GRAMD1B: variants seen among roughly 807,000 people sequenced by gnomAD.
The protein encoded by GRAMD1B is GRAM domain containing 1B.
Under a neutral mutation model 99.7 loss-of-function variants are expected in GRAMD1B, and 37 were observed. That is an observed-to-expected ratio of 0.37 (90% CI 0.29 to 0.49). GRAMD1B has a LOEUF of 0.49. Among genes scored for constraint, GRAMD1B ranks in the 20% least tolerant of loss-of-function variants. The probability of loss-of-function intolerance (pLI) is 0.98; values close to 1 mark genes in which losing one functional copy is unlikely to be tolerated. For missense variants in GRAMD1B, 888 were observed against 1,009.2 expected (o/e 0.88, Z 1.63); for synonymous variants, 427 against 387.6 (o/e 1.10, Z -1.19).
intron 2 of GRAMD1B, among the ~76,000 whole-genome samples, chr11:123,540,653 T>C (rs989185417): frequency 4.6e-5 from 7 of 152,194 alleles, no homozygotes; most frequent in African/African-American, 1.7e-4. Context: ...AATTAGAAAA[T>C]ATAAAGAGCC....
At chr11:123,597,953 C>A in intron 7 of GRAMD1B, 1 of 1,151,672 alleles carries the variant, frequency 8.7e-7, no homozygotes, top group Non-Finnish European at 1.3e-6. Flanking sequence ...CTAGAGCAGT[C>A]CTTGTTTTTT....
At chr11:123,598,723 G>A in intron 7 of GRAMD1B, 2 of 917,986 alleles carry the variant, frequency 2.2e-6, no homozygotes, top group Non-Finnish European at 3.7e-6. Flanking sequence ...GAGAGGTCAA[G>A]ATGGGCTCCA....
chr11:123,608,539 C>A, intron 11 of GRAMD1B, 120 bp from the exon 12 acceptor site: 1 of 1,544,724 alleles, frequency 6.5e-7, no homozygotes. Flanking sequence ...CGTGTCCTCT[C>A]CATACCCTTG....
At chr11:123,461,825 C>G (rs1228344050) in intron 1 of GRAMD1B, among the ~76,000 whole-genome samples, 1 of 151,866 alleles carries the variant, frequency 6.6e-6, no homozygotes, top group African/African-American at 2.4e-5. Context: ...AGGCTGGTCT[C>G]AAACTCCTGA....
intron 1 of GRAMD1B, among the ~76,000 whole-genome samples, chr11:123,424,024 C>T (rs1308837359): frequency 6.6e-6 from 1 of 152,076 alleles, no homozygotes; most frequent in Admixed American, 6.6e-5. Context: ...CCTTGCCTAT[C>T]TCCTCTCATT....
Position 123,614,741 on chromosome 11 carries a change from A to T in GRAMD1B, c.2228-4A>T, listed in dbSNP as rs762595995. On this transcript the variant is annotated splice_polypyrimidine_tract_variant and splice_region_variant and intron_variant, in intron 16 of 19. Coordinates refer to ENST00000635736, the MANE Select transcript of GRAMD1B (RefSeq NM_001387025.1). ...GGTGATGGTCTCTTTAATTCTCCCC[A>T]CAGGTTCCACACAGACGCGGCATAT... The T allele has an allele frequency of 1.2e-5, 19 of 1,598,210 alleles. No homozygotes were observed. In the Admixed American group the frequency reaches 2.5e-4, roughly 21 times the overall value.
At chr11:123,523,093 A>G (rs1410830158) in intron 2 of GRAMD1B, among the ~76,000 whole-genome samples, 1 of 152,168 alleles carries the variant, frequency 6.6e-6, no homozygotes, top group Non-Finnish European at 1.5e-5. Context: ...ATACTTTGGG[A>G]GGCCGAGGTG....
At chr11:123,421,829 A>C (rs1199643659) in intron 1 of GRAMD1B, among the ~76,000 whole-genome samples, 1 of 152,254 alleles carries the variant, frequency 6.6e-6, no homozygotes, top group Non-Finnish European at 1.5e-5. Flanking sequence ...AGTGTGCCTT[A>C]TTCAAGTTTA....
chr11:123,537,122 A>G (rs529915653), intron 2 of GRAMD1B, among the ~76,000 whole-genome samples: 1 of 152,312 alleles, frequency 6.6e-6, no homozygotes, highest in South Asian at 2.1e-4. Context: ...GGTGGCAAGC[A>G]TAAAAGGATG....
In GRAMD1B at chr11:123,627,133, C is replaced by T. The variant is rs750710882; in HGVS notation, c.*4538C>T. 8.5e-5 allele frequency: 13 copies of T among 152,266 alleles called. No individual in the cohort carries two copies. The highest frequency in any genetic ancestry group is 1.5e-4 in the Non-Finnish European group (10 of 68,088). The allele number at this position is 152,266 out of a possible 1,614,324, so 9.4% of individuals were successfully genotyped here. On this transcript the variant is annotated 3_prime_UTR_variant, in exon 20 of 20. Coordinates refer to ENST00000635736, the MANE Select transcript of GRAMD1B (RefSeq NM_001387025.1). Reference sequence around the variant, plus strand: ...CAGGAGGAGCTGATGCTGACGATCTCCCCAACATCTGAAGGCTTAAAGAAC... The same window carrying T: ...CAGGAGGAGCTGATGCTGACGATCTTCCCAACATCTGAAGGCTTAAAGAAC...
intron 1 of GRAMD1B, among the ~76,000 whole-genome samples, chr11:123,450,698 C>G (rs939292920): frequency 9.9e-5 from 15 of 152,194 alleles, no homozygotes; most frequent in South Asian, 8.3e-4. Flanking sequence ...GAAGCTGACT[C>G]TCTTCCCACT....
Position 123,610,289 on chromosome 11 carries a change from A to G in GRAMD1B, c.1870A>G (p.Ile624Val), listed in dbSNP as rs1230075351. Residue 624 changes from isoleucine (I) to valine (V), a missense_variant, in exon 14 of 20, where the codon ATC (isoleucine) becomes GTC (valine). Transcript: ENST00000635736. The surrounding 1 kb of genome is among the most constrained non-coding windows in gnomAD (Gnocchi z 4.1). ...DVPYHDYFYT[I>V]NRYTLTRVAR... is the part of the protein sequence containing the mutation. ...GCCCTACCATGACTACTTCTACACA[A>G]TCAATCGCTACACGCTCACCCGTGT... The G allele has an allele frequency of 1.2e-6, 2 of 1,613,750 alleles. No individual in the cohort carries two copies. The highest frequency in any genetic ancestry group is 1.7e-5 in the Admixed American group (1 of 60,006).
intron 19 of GRAMD1B, among the ~76,000 whole-genome samples, chr11:123,620,235 A>T (rs1483006443): frequency 6.6e-6 from 1 of 152,182 alleles, no homozygotes; most frequent in Admixed American, 6.5e-5. Context: ...GCACTTTGAG[A>T]GGCTGAAGAG....
intron 1 of GRAMD1B, among the ~76,000 whole-genome samples, chr11:123,425,048 C>T (rs1178625838): frequency 6.6e-6 from 1 of 152,150 alleles, no homozygotes; most frequent in South Asian, 2.1e-4. Flanking sequence ...TTCTAAGTGC[C>T]CTACACAGCA....
At chr11:123,561,612 C>T (rs906375863) in intron 2 of GRAMD1B, among the ~76,000 whole-genome samples, 13 of 152,198 alleles carry the variant, frequency 8.5e-5, no homozygotes, top group African/African-American at 1.2e-4. Context: ...CTTGCTCTGT[C>T]CCCGGGGCCT....
chr11:123,360,397 CT>C (rs1591343695), intron 1 of GRAMD1B, among the ~76,000 whole-genome samples: 1 of 152,144 alleles, frequency 6.6e-6, no homozygotes, highest in African/African-American at 2.4e-5. Context: ...AGGCTCTTTC[CT>C]TTGGCGTATT....
At chr11:123,551,787 G>T (rs918419329) in intron 2 of GRAMD1B, among the ~76,000 whole-genome samples, 2 of 152,152 alleles carry the variant, frequency 1.3e-5, no homozygotes, top group African/African-American at 4.8e-5. Context: ...AGTTATGGTT[G>T]CCTATAAAGA....
At chr11:123,568,995 G>A (rs1296787439) in intron 2 of GRAMD1B, among the ~76,000 whole-genome samples, 1 of 152,154 alleles carries the variant, frequency 6.6e-6, no homozygotes, top group Non-Finnish European at 1.5e-5. Flanking sequence ...CCAGCATCCT[G>A]AAAAGTGTGT....
chr11:123,571,268 C>T (rs986983479), intron 2 of GRAMD1B, among the ~76,000 whole-genome samples: 1 of 152,120 alleles, frequency 6.6e-6, no homozygotes, highest in African/African-American at 2.4e-5. Flanking sequence ...TGCCTTGTGC[C>T]TGCAGGACCA....
Sources: gnomAD v4.1 joint callset for allele counts (sites outside exome capture counted in the v4.1 genomes callset) on GRCh38, gnomAD v4.1.1 for gene constraint, Gnocchi (gnomAD v3.1) non-coding constraint, MANE v1.5 for transcripts, NCBI Gene and HGNC (gene_info 2026-07-23, HGNC 2026-07-21) for gene names.